ABLIM1: variants seen among roughly 807,000 people sequenced by gnomAD.
ABLIM1 encodes actin-binding LIM protein 1.
Under a neutral mutation model 107.0 loss-of-function variants are expected in ABLIM1, and 40 were observed. The observed-to-expected ratio is 0.37, with a 90% CI of 0.29 to 0.49. The LOEUF is 0.49. ABLIM1 is among the 20% of genes least tolerant of loss of function. ABLIM1 has a pLI of 0.97. For missense variants in ABLIM1, 857 were observed against 1,008.5 expected (o/e 0.85, Z 2.04); for synonymous variants, 357 against 357.3 (o/e 1.00, Z 0.01).
intron 6 of ABLIM1, among the ~76,000 whole-genome samples, chr10:114,524,213 C>G (rs1024046803): frequency 6.6e-6 from 1 of 152,178 alleles, no homozygotes; most frequent in Admixed American, 6.5e-5. Context: ...GTGCTCAGTG[C>G]AATGTACTAT....
chr10:114,652,663 AC>A (rs2079305269), intron 1 of ABLIM1, among the ~76,000 whole-genome samples: 1 of 152,210 alleles, frequency 6.6e-6, no homozygotes, highest in Non-Finnish European at 1.5e-5. Flanking sequence ...GACTCAGCTG[AC>A]AACATAATCA....
At chr10:114,474,510 A>G (rs941403730) in intron 8 of ABLIM1, among the ~76,000 whole-genome samples, 1 of 151,438 alleles carries the variant, frequency 6.6e-6, no homozygotes, top group African/African-American at 2.4e-5. Flanking sequence ...CCTCCCGAGT[A>G]GCTAGAACTA....
At chr10:114,572,429 A>G (rs190380311) in intron 3 of ABLIM1, among the ~76,000 whole-genome samples, 1 of 152,332 alleles carries the variant, frequency 6.6e-6, no homozygotes, top group East Asian at 1.9e-4. Context: ...CATATAGGTA[A>G]ATTTGGAGTT....
chr10:114,521,267 C>T (rs1427211407), intron 6 of ABLIM1, among the ~76,000 whole-genome samples: 4 of 152,160 alleles, frequency 2.6e-5, no homozygotes, highest in African/African-American at 9.7e-5. Flanking sequence ...CCTGGCCCTG[C>T]AGTAATCATC....
chr10:114,689,028 T>C (rs1181312897), upstream of ABLIM1, among the ~76,000 whole-genome samples: 2 of 152,200 alleles, frequency 1.3e-5, no homozygotes, highest in Non-Finnish European at 2.9e-5. Context: ...TTTTCCTGAA[T>C]TAATCTCTTT....
Position 114,472,959 on chromosome 10 carries a change from C to T in ABLIM1, c.1275+18G>A, listed in dbSNP as rs372795401. 7.2e-6 allele frequency: 11 copies of T among 1,535,166 alleles called. No individual in the cohort carries two copies. In the African/African-American group the frequency reaches 1.2e-4, roughly 17 times the overall value. ...AGGTAAATTGTTGTACAACTCACAA[C>T]CAGTAGGAATGTATTACCTCTCCAA... On this transcript the variant is annotated intron_variant, in intron 10 of 22. Coordinates refer to ENST00000533213, the MANE Select transcript of ABLIM1 (RefSeq NM_002313.7).
At chr10:114,607,057 G>A (rs764317330) in intron 1 of ABLIM1, among the ~76,000 whole-genome samples, 5 of 151,782 alleles carry the variant, frequency 3.3e-5, no homozygotes, top group Non-Finnish European at 5.9e-5. Flanking sequence ...AATTCCCTAC[G>A]CCCTTGCACC....
intron 6 of ABLIM1, among the ~76,000 whole-genome samples, chr10:114,499,417 A>T (rs1425911206): frequency 6.6e-6 from 1 of 152,214 alleles, no homozygotes; most frequent in Non-Finnish European, 1.5e-5. Flanking sequence ...CAAAGGAATA[A>T]GCAAATTGTT....
chr10:114,471,904 T>C (rs1335899251), intron 10 of ABLIM1, among the ~76,000 whole-genome samples: 4 of 151,342 alleles, frequency 2.6e-5, no homozygotes, highest in African/African-American at 9.7e-5. Context: ...ATTCAAAAAA[T>C]AAAAGAGAAA....
intron 4 of ABLIM1, among the ~76,000 whole-genome samples, chr10:114,565,495 C>T (rs992357046): frequency 1.3e-5 from 2 of 152,040 alleles, no homozygotes; most frequent in African/African-American, 4.8e-5. Context: ...TATGACCATC[C>T]CATTTCACAG....
At chr10:114,574,127 C>G (rs567370081) in intron 3 of ABLIM1, among the ~76,000 whole-genome samples, 20 of 152,254 alleles carry the variant, frequency 1.3e-4, no homozygotes, top group Admixed American at 4.6e-4. Flanking sequence ...CCTTCTAGAG[C>G]TTACATCTCT....
intron 1 of ABLIM1, among the ~76,000 whole-genome samples, chr10:114,615,901 A>G (rs1295122189): frequency 2.0e-5 from 3 of 152,048 alleles, no homozygotes; most frequent in Non-Finnish European, 4.4e-5. Context: ...AGAACCACAC[A>G]ACAAAGCACA....
At chr10:114,783,707 G>C in the ABLIM1 span, among the ~76,000 whole-genome samples, 1 of 151,858 alleles carries the variant, frequency 6.6e-6, no homozygotes, top group Non-Finnish European at 1.5e-5. Context: ...TAAATGTTTA[G>C]TATGTGGCTG....
At chr10:114,691,707 G>T (rs1480939707) in intron 1 of ABLIM1, among the ~76,000 whole-genome samples, 1 of 152,172 alleles carries the variant, frequency 6.6e-6, no homozygotes, top group Non-Finnish European at 1.5e-5. Flanking sequence ...GAAGCATTGG[G>T]TTAAATCATA....
Position 114,462,961 on chromosome 10 carries a change from T to C in ABLIM1, c.1441+2737A>G, listed in dbSNP as rs2064258347. ...AGCTCAAAAGCTCGGCACTAACTCT[T>C]GGAGATACACCTTATTAGCCTTCCC... On this transcript the variant is annotated intron_variant, in intron 12 of 22. Transcript: ENST00000533213. 13 of 1,281,702 alleles carry C rather than the reference T, an allele frequency of 1.0e-5. No homozygotes were observed. In the South Asian group the frequency reaches 1.5e-4, roughly 15 times the overall value. The allele number at this position is 1,281,702 out of a possible 1,614,324, so 79.4% of individuals were successfully genotyped here.
chr10:114,535,747 T>C (rs1202391294), intron 6 of ABLIM1, among the ~76,000 whole-genome samples: 3 of 152,180 alleles, frequency 2.0e-5, no homozygotes, highest in African/African-American at 4.8e-5. Flanking sequence ...TTTTAAAGTA[T>C]ATAATTCAGT....
chr10:114,491,784 AC>A lies in ABLIM1; in HGVS notation c.982+6del, dbSNP rs1260580421. The A allele has an allele frequency of 7.5e-6, 12 of 1,606,328 alleles. No individual in the cohort carries two copies. Among genetic ancestry groups the A allele is most frequent in the Non-Finnish European group, 1.0e-5 (12 of 1,173,840 alleles). On this transcript the variant is annotated splice_donor_region_variant and intron_variant, in intron 7 of 22. Coordinates refer to ENST00000533213, the MANE Select transcript of ABLIM1 (RefSeq NM_002313.7). Reference sequence around the variant, plus strand: ...GAAAACTTCTAGTGTTCTTGAGTCCACCTCACCTTGAAGATACATTTCCTCT... The same window carrying A: ...GAAAACTTCTAGTGTTCTTGAGTCCACTCACCTTGAAGATACATTTCCTCT...
chr10:114,462,635 T>C (rs2064180449), intron 12 of ABLIM1, among the ~76,000 whole-genome samples: 2 of 152,150 alleles, frequency 1.3e-5, no homozygotes, highest in Admixed American at 1.3e-4. Flanking sequence ...AAGACAACTT[T>C]TGGATATCTG....
chr10:114,528,435 T>C (rs2065096462), intron 6 of ABLIM1, among the ~76,000 whole-genome samples: 1 of 152,256 alleles, frequency 6.6e-6, no homozygotes, highest in Non-Finnish European at 1.5e-5. Flanking sequence ...TGTAAGGTTT[T>C]AGCAACAAAG....
Sources: gnomAD v4.1 joint callset for allele counts (sites outside exome capture counted in the v4.1 genomes callset) on GRCh38, gnomAD v4.1.1 for gene constraint, MANE v1.5 for transcripts, NCBI Gene and HGNC (gene_info 2026-07-23, HGNC 2026-07-21) for gene names.